TMEM132D: variants seen among roughly 807,000 people sequenced by gnomAD.
TMEM132D encodes mature OL transmembrane protein.
A neutral mutation model predicts 62.3 loss-of-function variants in TMEM132D; 21 were observed. The ratio of observed to expected loss-of-function variants is 0.34; its 90% confidence interval spans 0.24 to 0.49. The LOEUF (loss-of-function observed/expected upper bound fraction) is 0.49, where lower values mean the gene tolerates loss of function less well. TMEM132D is among the 20% of genes least tolerant of loss of function. TMEM132D has a pLI of 0.99. For missense variants in TMEM132D, 1,346 were observed against 1,402.8 expected, an observed-to-expected ratio of 0.96 and a Z score of 0.65; for synonymous variants, 621 against 575.6, an observed-to-expected ratio of 1.08 and a Z score of -1.13.
At chr12:129,536,232 A>C (rs1439950531) in intron 2 of TMEM132D, among the ~76,000 whole-genome samples, 1 of 152,202 alleles carries the variant, frequency 6.6e-6, no homozygotes, top group Non-Finnish European at 1.5e-5. Flanking sequence ...ATGGAACAAT[A>C]CACAGTGTGC....
intron 1 of TMEM132D, among the ~76,000 whole-genome samples, chr12:129,719,015 T>G (rs1039541134): frequency 6.6e-6 from 1 of 151,352 alleles, no homozygotes; most frequent in African/African-American, 2.4e-5. Flanking sequence ...GGCAGACAGA[T>G]TGCTTGATCC....
intron 2 of TMEM132D, among the ~76,000 whole-genome samples, chr12:129,632,624 T>C (rs1879377736): frequency 6.6e-6 from 1 of 152,150 alleles, no homozygotes; most frequent in African/African-American, 2.4e-5. Context: ...ACTTTGCCAG[T>C]CCCTCCCTCG....
chr12:129,139,257 T>A (rs1287290816), intron 5 of TMEM132D, among the ~76,000 whole-genome samples: 1 of 152,176 alleles, frequency 6.6e-6, no homozygotes, highest in Non-Finnish European at 1.5e-5. Flanking sequence ...TCCAGTAGTC[T>A]CTGACTTCAA....
intron 3 of TMEM132D, among the ~76,000 whole-genome samples, chr12:129,414,769 G>T (rs55685119): frequency 6.6e-6 from 1 of 152,020 alleles, no homozygotes; most frequent in Non-Finnish European, 1.5e-5. Context: ...TTTTACAACC[G>T]AAAATTTGCT....
In TMEM132D at chr12:129,219,834, A is replaced by G. The variant is rs555620788; in HGVS notation, c.1300-10171T>C. Among the ~76,000 whole-genome samples the G allele has an allele frequency of 4.4e-4, 67 of 152,312 alleles. 1 individual carries two copies. In the South Asian group the frequency reaches 9.5e-3, roughly 22 times the overall value. On this transcript the variant is annotated intron_variant, in intron 4 of 8. Transcript: ENST00000422113. ...GGTCATCCAGAGATCAAGGCTCCAC[A>G]TGCCCTGGATGAAGGCTCCACATCA...
chr12:129,879,426 C>T (rs927522543), intron 1 of TMEM132D, among the ~76,000 whole-genome samples: 1 of 152,114 alleles, frequency 6.6e-6, no homozygotes, highest in South Asian at 2.1e-4. Context: ...GGATAAACTA[C>T]AAAATAATAG....
chr12:129,073,336 G>GAGAC lies in TMEM132D; in HGVS notation c.*535_*538dup, dbSNP rs1874133545. 6.5e-6 allele frequency: 1 copy of GAGAC among 152,700 alleles called. No homozygotes were observed. Among genetic ancestry groups the GAGAC allele is most frequent in the Non-Finnish European group, 1.5e-5 (1 of 68,352 alleles). The allele number at this position is 152,700 out of a possible 1,614,324, so 9.5% of individuals were successfully genotyped here. A position where few individuals can be genotyped will look rare whatever the true frequency, so the allele number is the denominator to read the frequency against. The stretch of plus-strand genomic sequence containing the variant: ...GAGACAGCTCTGGCCCAGCCTTTGA[G>GAGAC]AGACAATGACTCACAATCATGCCTC... On this transcript the variant is annotated 3_prime_UTR_variant, in exon 9 of 9. Transcript: ENST00000422113.
chr12:129,780,817 T>C (rs1871099363), intron 1 of TMEM132D, among the ~76,000 whole-genome samples: 1 of 152,176 alleles, frequency 6.6e-6, no homozygotes, highest in Admixed American at 6.5e-5. Flanking sequence ...GTGGCTGGGA[T>C]CTCTCTTTGA....
intron 1 of TMEM132D, among the ~76,000 whole-genome samples, chr12:129,790,111 C>A (rs368664279): frequency 2.0e-5 from 3 of 152,128 alleles, no homozygotes; most frequent in Admixed American, 2.0e-4. Flanking sequence ...GGAGGGGGAG[C>A]GCAGGTGAGC....
intron 1 of TMEM132D, among the ~76,000 whole-genome samples, chr12:129,736,935 A>G (rs1005441347): frequency 2.0e-5 from 3 of 150,834 alleles, no homozygotes; most frequent in Non-Finnish European, 4.4e-5. Context: ...CTCCTGCCTC[A>G]GCCTCCCAAG....
At chr12:129,075,352 A>G (rs1874217906) in intron 8 of TMEM132D, among the ~76,000 whole-genome samples, 1 of 151,568 alleles carries the variant, frequency 6.6e-6, no homozygotes, top group Non-Finnish European at 1.5e-5. Flanking sequence ...TGTTGTTATA[A>G]AAGGAAGATG....
intron 5 of TMEM132D, among the ~76,000 whole-genome samples, chr12:129,180,890 C>A (rs1878046328): frequency 6.6e-6 from 1 of 151,844 alleles, no homozygotes; most frequent in South Asian, 2.1e-4. Flanking sequence ...TGATACTGAG[C>A]CTTCCGGGCT....
At chr12:129,862,454 C>T (rs1413747673) in intron 1 of TMEM132D, among the ~76,000 whole-genome samples, 1 of 152,186 alleles carries the variant, frequency 6.6e-6, no homozygotes, top group African/African-American at 2.4e-5. Flanking sequence ...TCTCTCTGCA[C>T]AGAGCAAACC....
At chr12:129,245,990 G>C (rs965390005) in intron 4 of TMEM132D, among the ~76,000 whole-genome samples, 2 of 152,152 alleles carry the variant, frequency 1.3e-5, no homozygotes, top group African/African-American at 4.8e-5. Context: ...CTGAGAGGCA[G>C]CTGCCCCATG....
intron 3 of TMEM132D, among the ~76,000 whole-genome samples, chr12:129,348,335 G>T (rs1869753395): frequency 6.6e-6 from 1 of 152,162 alleles, no homozygotes; most frequent in Non-Finnish European, 1.5e-5. Flanking sequence ...ACTGGATAAA[G>T]AAAATGTGGC....
chr12:129,566,662 A>G (rs565656088), intron 2 of TMEM132D, among the ~76,000 whole-genome samples: 1 of 152,352 alleles, frequency 6.6e-6, no homozygotes, highest in Admixed American at 6.5e-5. Context: ...TCTGGTGGGG[A>G]AAATCTACAT....
intron 1 of TMEM132D, among the ~76,000 whole-genome samples, chr12:129,732,901 G>A (rs930191635): frequency 6.6e-5 from 10 of 152,164 alleles, no homozygotes; most frequent in African/African-American, 2.2e-4. Flanking sequence ...TCAGGCCTCT[G>A]TAATGAAACC....
At chr12:129,147,324 AT>A (rs1024663457) in intron 5 of TMEM132D, among the ~76,000 whole-genome samples, 6 of 150,818 alleles carry the variant, frequency 4.0e-5, no homozygotes, top group Admixed American at 6.6e-5. Context: ...ATATGTATAT[AT>A]ATACATATAT....
chr12:129,389,137 C>T (rs148057418), intron 3 of TMEM132D, among the ~76,000 whole-genome samples: 3,282 of 107,960 alleles, frequency 0.03, 15 homozygotes, highest in Non-Finnish European at 0.051. Flanking sequence ...AACACCAACA[C>T]GAATCCTAAT....
Sources: allele counts gnomAD v4.1 joint callset (sites outside exome capture counted in the v4.1 genomes callset), GRCh38; gene constraint gnomAD v4.1.1; transcripts MANE v1.5; gene names NCBI Gene and HGNC (gene_info 2026-07-23, HGNC 2026-07-21).